Variants in CARD19 observed in about 807,000 individuals in gnomAD.
CARD19 encodes the protein caspase recruitment domain family member 19.
CARD19 carries 25 observed loss-of-function variants against 24.1 expected under a neutral mutation model. The observed-to-expected ratio is 1.04, with a 90% CI of 0.76 to 1.45. The LOEUF is 1.45. Ranked by LOEUF, CARD19 falls within the 40% of genes most tolerant of loss-of-function variation. CARD19 has a pLI of 0.00. For missense variants in CARD19, 241 were observed against 247.4 expected (o/e 0.97, Z 0.17); for synonymous variants, 103 against 104.9 (o/e 0.98, Z 0.11).
chr9:93,099,795 G>A (rs973722414), intron 1 of CARD19, among the ~76,000 whole-genome samples: 4 of 152,206 alleles, frequency 2.6e-5, no homozygotes, highest in African/African-American at 9.6e-5. Flanking sequence ...TGAGGGCTGA[G>A]CCAGCCTTTC....
intron 2 of CARD19, among the ~76,000 whole-genome samples, chr9:93,108,683 C>T (rs1332572941): frequency 6.6e-6 from 1 of 152,178 alleles, no homozygotes; most frequent in African/African-American, 2.4e-5. Context: ...CCACTCATTT[C>T]AGGAGTGTCA....
In CARD19 at chr9:93,098,038, C is replaced by T. The variant is rs570702177; in HGVS notation, c.7+1686C>T. Among the ~76,000 whole-genome samples the T allele has an allele frequency of 5.3e-5, 8 of 152,378 alleles. No homozygotes were observed. In the East Asian group the frequency reaches 1.3e-3, roughly 26 times the overall value. ...TGGGGTCCTGCCTTGCGCCAGCCCT[C>T]GCTGTGAGCAGCGCATGTGAGCCAG... On this transcript the variant is annotated intron_variant, in intron 1 of 5. Coordinates refer to ENST00000375464, the MANE Select transcript of CARD19 (RefSeq NM_032310.5).
intron 1 of CARD19, among the ~76,000 whole-genome samples, chr9:93,107,395 C>T (rs1393490545): frequency 1.3e-5 from 2 of 152,210 alleles, no homozygotes; most frequent in African/African-American, 4.8e-5. Flanking sequence ...ATTCTTCGCC[C>T]CTCTGAGTTT....
intron 1 of CARD19, among the ~76,000 whole-genome samples, chr9:93,105,172 G>T (rs1827206409): frequency 7.3e-6 from 1 of 136,714 alleles, no homozygotes; most frequent in African/African-American, 2.9e-5. Context: ...GTGTGTGTGT[G>T]TGTGTGCACG....
intron 1 of CARD19, among the ~76,000 whole-genome samples, chr9:93,106,098 T>C (rs969645925): frequency 1.3e-5 from 2 of 152,218 alleles, no homozygotes; most frequent in Non-Finnish European, 2.9e-5. Flanking sequence ...TTTTGACTTA[T>C]AGTCTATTTT....
rs372521219 is a variant in CARD19, at chr9:93,111,287, G to A, written c.304+566G>A. On this transcript the variant is annotated intron_variant, in intron 3 of 5. Transcript: ENST00000375464. ...CTCAGGCCCTGGGAGTCATGTGGAT[G>A]CCAGTAGCCTGGGCCCACAGAGCTG... 2.6e-5 allele frequency: 30 copies of A among 1,153,200 alleles called. No homozygotes were observed. In the East Asian group the frequency reaches 1.4e-3, roughly 55 times the overall value. The allele number at this position is 1,153,200 out of a possible 1,614,324, so 71.4% of individuals were successfully genotyped here.
rs1827212138 is a variant in CARD19, at chr9:93,105,201, T to TGTGC, written c.8-2470_8-2469insCGTG. 1.5e-4 allele frequency among the ~76,000 whole-genome samples: 3 copies of TGTGC among 20,376 alleles called. No homozygotes were observed. In the South Asian group the frequency reaches 8.9e-3, roughly 61 times the overall value. 13.4% of individuals were successfully genotyped at this position (20,376 alleles called of 152,430 possible). ...GTGCACGCGCGTGTGTGTGTGCGTG[T>TGTGC]GTGTGTGTGTGTGTGTGTGTTTCTG... On this transcript the variant is annotated intron_variant, in intron 1 of 5. Coordinates refer to ENST00000375464, the MANE Select transcript of CARD19 (RefSeq NM_032310.5).
At chr9:93,101,580 C>T (rs4744172) in intron 1 of CARD19, among the ~76,000 whole-genome samples, 95,320 of 151,610 alleles carry the variant, frequency 0.63, 33,415 homozygotes, top group Non-Finnish European at 0.77. Flanking sequence ...GCTGGGATTA[C>T]AGGTACCCGC....
intron 1 of CARD19, among the ~76,000 whole-genome samples, chr9:93,100,496 A>G (rs1300280171): frequency 6.6e-6 from 1 of 152,184 alleles, no homozygotes; most frequent in African/African-American, 2.4e-5. Flanking sequence ...TTAGCACTGA[A>G]TAATATTCGT....
intron 1 of CARD19, among the ~76,000 whole-genome samples, chr9:93,106,059 T>C (rs1827241702): frequency 6.6e-6 from 1 of 152,222 alleles, no homozygotes; most frequent in Non-Finnish European, 1.5e-5. Context: ...TATTAATACA[T>C]AATGTACTTT....
intron 1 of CARD19, among the ~76,000 whole-genome samples, chr9:93,102,532 T>G (rs1827122981): frequency 6.6e-6 from 1 of 152,212 alleles, no homozygotes; most frequent in African/African-American, 2.4e-5. Flanking sequence ...CTAGACTCTC[T>G]TATTCTATGC....
intron 3 of CARD19, chr9:93,111,212 C>G: frequency 2.5e-6 from 3 of 1,178,898 alleles, no homozygotes; most frequent in Non-Finnish European, 3.2e-6. Flanking sequence ...ATGGCTGGTC[C>G]GAAGCACGTG....
chr9:93,105,372 C>G (rs1398882554), intron 1 of CARD19, among the ~76,000 whole-genome samples: 1 of 152,116 alleles, frequency 6.6e-6, no homozygotes, highest in Non-Finnish European at 1.5e-5. Context: ...CCTCCACCTC[C>G]CAGGTTCAAG....
Position 93,112,288 on chromosome 9 carries a change from A to C in CARD19, c.435A>C (p.Pro145=). The change falls in exon 5 of 6, where the codon CCA becomes CCC. Residue 145 remains proline (P), a splice_region_variant and synonymous_variant. Coordinates refer to ENST00000375464, the MANE Select transcript of CARD19 (RefSeq NM_032310.5). ...CCCTGCTCCTGTACTGCTATCCGCC[A>C]GGTGGGTGCAAGCGGATCCTCATGG... is the stretch of plus-strand genomic sequence containing the variant. ...GLALLLYCYP[P]DPKGLPGTRR... 6.5e-7 allele frequency: 1 copy of C among 1,543,388 alleles called. No homozygotes were observed. The highest frequency in any genetic ancestry group is 8.7e-7 in the Non-Finnish European group (1 of 1,146,856).
At chr9:93,107,571 C>G in intron 1 of CARD19, 103 bp from the exon 2 acceptor site, 2 of 1,389,720 alleles carry the variant, frequency 1.4e-6, no homozygotes, top group Admixed American at 3.7e-5. Context: ...GGTGGGAACC[C>G]ACCTTGGGGG....
intron 1 of CARD19, among the ~76,000 whole-genome samples, chr9:93,106,368 G>C (rs1293195924): frequency 7.1e-6 from 1 of 141,602 alleles, no homozygotes; most frequent in African/African-American, 2.5e-5. Context: ...CCTGAGGTCA[G>C]GAGTTTGACA....
Position 93,110,576 on chromosome 9 carries a change from C to A in CARD19, c.159C>A (p.Asn53Lys). 6.2e-7 allele frequency: 1 copy of A among 1,602,498 alleles called. No homozygotes were observed. The highest frequency in any genetic ancestry group is 8.5e-7 in the Non-Finnish European group (1 of 1,172,232). The change falls in exon 3 of 6, where the codon AAC becomes AAA. Residue 53 changes from asparagine to lysine, a missense_variant. Asn to Lys is a moderately conservative substitution (Grantham distance 94, BLOSUM62 0). Coordinates refer to ENST00000375464, the MANE Select transcript of CARD19 (RefSeq NM_032310.5). ...CCCCCTTGTACCCTCAGTTCCGGAA[C>A]CCCAAGGCATCCTTGCGTGTGCGGC... is the stretch of plus-strand genomic sequence containing the variant. The part of the protein sequence containing the change: ...LTNKEAEKFR[N>K]PKASLRVRLC...
rs1827583011 is a variant in CARD19, at chr9:93,113,247, C to T, written c.*140C>T. 3.4e-6 allele frequency: 2 copies of T among 590,776 alleles called. No individual in the cohort carries two copies. The highest frequency in any genetic ancestry group is 5.9e-6 in the Non-Finnish European group (2 of 337,688). 36.6% of individuals were successfully genotyped at this position (590,776 alleles called of 1,614,324 possible). A position where few individuals can be genotyped will look rare whatever the true frequency, so the allele number is the denominator to read the frequency against. Reference sequence around the variant, plus strand: ...GTGTAAAAAACACACCTTCACCTTACAAGGTGCTGACCATATTAAATGTTC... The same window carrying T: ...GTGTAAAAAACACACCTTCACCTTATAAGGTGCTGACCATATTAAATGTTC... On this transcript the variant is annotated 3_prime_UTR_variant, in exon 6 of 6. Transcript: ENST00000375464.
chr9:93,107,599 C>A, intron 1 of CARD19, 75 bp from the exon 2 acceptor site: 3 of 1,551,526 alleles, frequency 1.9e-6, no homozygotes, highest in South Asian at 2.3e-5. Context: ...TTCCTGTGGT[C>A]AGTGTCAGTA....
Sources: gnomAD v4.1 joint callset for allele counts (sites outside exome capture counted in the v4.1 genomes callset) on GRCh38, gnomAD v4.1.1 for gene constraint, MANE v1.5 for transcripts, NCBI Gene and HGNC (gene_info 2026-07-23, HGNC 2026-07-21) for gene names.